The following KLK3 variants were observed in gnomAD, a reference collection of about 807,000 sequenced individuals.
KLK3 encodes the protein kallikrein related peptidase 3.
KLK3 carries 23 observed loss-of-function variants against 27.7 expected under a neutral mutation model. That is an observed-to-expected ratio of 0.83 (90% CI 0.60 to 1.17). The LOEUF (loss-of-function observed/expected upper bound fraction) is 1.17, where lower values mean the gene tolerates loss of function less well. Among genes scored for constraint, KLK3 ranks in the 50% most tolerant of loss-of-function variants. KLK3 has a pLI of 0.00. For missense variants in KLK3, 322 were observed against 338.1 expected (o/e 0.95, Z 0.37); for synonymous variants, 142 against 134.2 (o/e 1.06, Z -0.40).
In KLK3 at chr19:50,860,348, T is replaced by C; in HGVS notation, c.*221T>C. ...GGAATACTGGCCATGCCTGGAGACA[T>C]ATCACTCAATTTCTCTGAGGACACA... On this transcript the variant is annotated 3_prime_UTR_variant, in exon 5 of 5. Transcript: ENST00000326003. 2.2e-6 allele frequency: 1 copy of C among 446,030 alleles called. No individual in the cohort carries two copies. The highest frequency in any genetic ancestry group is 4.0e-6 in the Non-Finnish European group (1 of 247,716). 27.6% of individuals were successfully genotyped at this position (446,030 alleles called of 1,614,324 possible).
chr19:50,856,416 G>T lies in KLK3; in HGVS notation c.206+17G>T, dbSNP rs989381397. 6.2e-7 allele frequency: 1 copy of T among 1,611,380 alleles called. No individual in the cohort carries two copies. ...CATCAGGAAGTGAGTAGGGGCCTGG[G>T]GTCTGGGGAGCAGGTGTCTGTGTCC... On this transcript the variant is annotated intron_variant, in intron 2 of 4. Coordinates refer to ENST00000326003, the MANE Select transcript of KLK3 (RefSeq NM_001648.2).
rs2090176121 is a variant in KLK3, at chr19:50,860,140, A to T, written c.*13A>T. On this transcript the variant is annotated 3_prime_UTR_variant, in exon 5 of 5. Coordinates refer to ENST00000326003, the MANE Select transcript of KLK3 (RefSeq NM_001648.2). ...GGCCAACCCCTGAGCACCCCTATCAACCCCCTATTGTAGTAAACTTGGAAC... is the reference window on the plus strand; with the variant it reads ...GGCCAACCCCTGAGCACCCCTATCATCCCCCTATTGTAGTAAACTTGGAAC... 6.3e-7 allele frequency: 1 copy of T among 1,597,698 alleles called. No individual in the cohort carries two copies. The highest frequency in any genetic ancestry group is 1.3e-5 in the African/African-American group (1 of 74,542).
At position 50,860,123 on chromosome 19, in the gene KLK3, CCT is replaced by C. The variant is rs1257309239; in HGVS notation, c.783_784del (p.Ter262SerfsTer9). 2 of 1,610,620 alleles carry C rather than the reference CCT, an allele frequency of 1.2e-6. No individual in the cohort carries two copies. Among genetic ancestry groups the C allele is most frequent in the African/African-American group, 2.7e-5 (2 of 74,852 alleles). The stretch of plus-strand genomic sequence containing the variant: ...ATCAAGGACACCATCGTGGCCAACC[CCT>C]GAGCACCCCTATCAACCCCCTATTG... On this transcript the variant is annotated frameshift_variant and stop_lost, in exon 5 of 5. Transcript: ENST00000326003. LOFTEE classifies it high-confidence loss of function.
chr19:50,856,635 G>A, intron 2 of KLK3: 1 of 502,854 alleles, frequency 2.0e-6, no homozygotes. Flanking sequence ...TATGTCTCTT[G>A]GTAACTGGCT....
intron 2 of KLK3, chr19:50,856,765 A>C (rs1461127070): frequency 2.1e-5 from 4 of 194,618 alleles, no homozygotes; most frequent in Non-Finnish European, 3.1e-5. Flanking sequence ...AGTGTGTCTC[A>C]CCCTGTATCT....
intron 2 of KLK3, 168 bp downstream of exon 2, chr19:50,856,567 C>A (rs749221972): frequency 1.5e-5 from 10 of 667,718 alleles, no homozygotes; most frequent in Admixed American, 1.3e-4. Context: ...GACCACCCTC[C>A]CCATGGCTGC....
At chr19:50,856,564 C>T in intron 2 of KLK3, 165 bp downstream of exon 2, 1 of 682,284 alleles carries the variant, frequency 1.5e-6, no homozygotes, top group Non-Finnish European at 2.4e-6. Context: ...CTGGACCACC[C>T]TCCCCATGGC....
Position 50,855,003 on chromosome 19 carries a change from TGA to T in KLK3, c.46+6_46+7del. 2.5e-6 allele frequency: 4 copies of T among 1,613,578 alleles called. No individual in the cohort carries two copies. The highest frequency in any genetic ancestry group is 3.4e-6 in the Non-Finnish European group (4 of 1,179,790). ...TCACCCTGTCCGTGACGTGGATTGG[TGA>T]GAGGGGCCATGGTTGGGGGGATGCA... is the stretch of plus-strand genomic sequence containing the variant. On this transcript the variant is annotated splice_donor_region_variant and intron_variant, in intron 1 of 4. Transcript: ENST00000326003.
chr19:50,860,420 A>T lies in KLK3; in HGVS notation c.*293A>T. 1.8e-5 allele frequency: 5 copies of T among 274,750 alleles called. No homozygotes were observed. The highest frequency in any genetic ancestry group is 2.8e-5 in the Non-Finnish European group (4 of 144,184). 17.0% of individuals were successfully genotyped at this position (274,750 alleles called of 1,614,324 possible). On this transcript the variant is annotated 3_prime_UTR_variant, in exon 5 of 5. Transcript: ENST00000326003. ...TATTTGTGGGGTACAGAGATGAAAG[A>T]GGGGTGGGATCCACACTGAGAGAGT...
In KLK3 at chr19:50,858,179, C is replaced by G. The variant is rs377532899; in HGVS notation, c.357C>G (p.His119Gln). ...RFLRPGDDSS[H>Q]DLMLLRLSEP... ...TCAGGCCAGGTGATGACTCCAGCCA[C>G]GACCTCATGCTGCTCCGCCTGTCAG... Residue 119 changes from histidine (H) to glutamine (Q), a missense_variant, in exon 3 of 5, where the codon CAC (histidine) becomes CAG (glutamine). By Grantham distance (24) the His-to-Gln change is conservative (BLOSUM62 0). Transcript: ENST00000326003. The G allele has an allele frequency of 1.1e-5, 17 of 1,614,108 alleles. No homozygotes were observed. The highest frequency in any genetic ancestry group is 1.4e-5 in the Non-Finnish European group (16 of 1,180,054).
chr19:50,856,602 A>C, intron 2 of KLK3: 1 of 546,430 alleles, frequency 1.8e-6, no homozygotes, highest in Non-Finnish European at 3.2e-6. Context: ...GTGTTCCTCT[A>C]TGTCTCTTTG....
intron 1 of KLK3, chr19:50,855,307 T>C: frequency 2.1e-6 from 1 of 470,820 alleles, no homozygotes; most frequent in Non-Finnish European, 3.8e-6. Flanking sequence ...TTTCTCTTTG[T>C]GGGGCTCAAA....
In KLK3 at chr19:50,859,994, T is replaced by C. The variant is rs1173162188; in HGVS notation, c.653T>C (p.Val218Ala). Residue 218 changes from valine (V) to alanine (A), a missense_variant, in exon 5 of 5, where the codon GTC becomes GCC. Physicochemically the swap from Val to Ala is moderately conservative, Grantham distance 64 (BLOSUM62 0). Coordinates refer to ENST00000326003, the MANE Select transcript of KLK3 (RefSeq NM_001648.2). ...TCSGDSGGPL[V>A]CNGVLQGITS... Reference sequence around the variant, plus strand: ...TAGGGTGATTCTGGGGGCCCACTTGTCTGTAATGGTGTGCTTCAAGGTATC... The same window carrying C: ...TAGGGTGATTCTGGGGGCCCACTTGCCTGTAATGGTGTGCTTCAAGGTATC... 5 of 1,613,218 alleles carry C rather than the reference T, an allele frequency of 3.1e-6. No homozygotes were observed. The African/African-American group carries it at 5.3e-5, about 17-fold the overall frequency.
intron 4 of KLK3, 43 bp from the exon 5 acceptor site, chr19:50,859,929 C>T: frequency 2.5e-6 from 4 of 1,570,540 alleles, no homozygotes; most frequent in Non-Finnish European, 3.5e-6. Flanking sequence ...CAGGCAGAAA[C>T]TGGGACTGAC....
intron 2 of KLK3, chr19:50,857,817 G>A (rs947853919): frequency 1.5e-5 from 8 of 548,324 alleles, no homozygotes; most frequent in Non-Finnish European, 2.2e-5. Context: ...TTTTCCCTTG[G>A]TTTCTCTCAG....
intron 4 of KLK3, chr19:50,859,609 G>A (rs534688911): frequency 2.2e-5 from 36 of 1,613,622 alleles, no homozygotes; most frequent in Admixed American, 2.0e-4. Flanking sequence ...TGGAGAGGAG[G>A]TGTCTAGTCA....
intron 2 of KLK3, 28 bp downstream of exon 2, chr19:50,856,427 C>T: frequency 6.2e-7 from 1 of 1,607,236 alleles, no homozygotes; most frequent in South Asian, 1.1e-5. Flanking sequence ...GTCTGGGGAG[C>T]AGGTGTCTGT....
intron 4 of KLK3, chr19:50,859,617 T>C: frequency 6.2e-7 from 1 of 1,613,458 alleles, no homozygotes; most frequent in African/African-American, 1.3e-5. Flanking sequence ...AGGTGTCTAG[T>C]CAGAGAGTAG....
chr19:50,855,033 A>G, intron 1 of KLK3, 32 bp downstream of exon 1: 2 of 1,609,856 alleles, frequency 1.2e-6, no homozygotes, highest in Non-Finnish European at 1.7e-6. Context: ...GGGATGCAGG[A>G]GAGGGAGCCA....
Sources: allele counts gnomAD v4.1 joint callset, GRCh38; gene constraint gnomAD v4.1.1; transcripts MANE v1.5; gene names NCBI Gene and HGNC (gene_info 2026-07-23, HGNC 2026-07-21).